TMEM132E: variants seen among roughly 807,000 people sequenced by gnomAD.
The protein encoded by TMEM132E is transmembrane protein 132E.
In TMEM132E, 49 loss-of-function variants were observed where a neutral mutation model predicts 78.5. The ratio of observed to expected loss-of-function variants is 0.62; its 90% CI spans 0.50 to 0.79. The LOEUF is 0.79. TMEM132E is among the 30% of genes least tolerant of loss of function. TMEM132E has a pLI of 0.00. For missense variants in TMEM132E, 1,403 were observed against 1,470.9 expected (o/e 0.95, Z 0.75); for synonymous variants, 715 against 670.6 (o/e 1.07, Z -1.02).
chr17:34,580,996 T>A lies in TMEM132E; in HGVS notation c.-81T>A, dbSNP rs931787331. 1 of 1,247,254 alleles carries A rather than the reference T, an allele frequency of 8.0e-7. No homozygotes were observed. Among genetic ancestry groups the A allele is most frequent in the Non-Finnish European group, 1.1e-6 (1 of 916,236 alleles). 77.3% of individuals were successfully genotyped at this position (1,247,254 alleles called of 1,614,324 possible). A position where few individuals can be genotyped will look rare whatever the true frequency, so the allele number is the denominator to read the frequency against. ...AGCCGGGCGCCACGGCAGCCCTGAGTTGGATGTGACCAAGCCCAGCCTGGG... is the reference window on the plus strand; with the variant it reads ...AGCCGGGCGCCACGGCAGCCCTGAGATGGATGTGACCAAGCCCAGCCTGGG... On this transcript the variant is annotated 5_prime_UTR_variant, in exon 1 of 9. In the 5' UTR this introduces an upstream ATG that the reference lacks. Transcript: ENST00000631683.
In TMEM132E at chr17:34,636,542, T is replaced by C. The variant is rs115892943; in HGVS notation, c.2169+344T>C. Among the ~76,000 whole-genome samples, 850 of 151,882 alleles carry C rather than the reference T, an allele frequency of 5.6e-3. 14 individuals carry two copies. Among genetic ancestry groups the C allele is most frequent in the African/African-American group, 0.018 (763 of 41,402 alleles). On this transcript the variant is annotated intron_variant, in intron 8 of 8. Coordinates refer to ENST00000631683, the MANE Select transcript of TMEM132E (RefSeq NM_001304438.2). ...CACAGGCATAGCCACAGGATGAAAG[T>C]GGAAAGGTGACAGATGAGAGTCCTG...
chr17:34,626,071 G>A, intron 1 of TMEM132E, 56 bp from the exon 2 acceptor site: 1 of 1,412,634 alleles, frequency 7.1e-7, no homozygotes, highest in Non-Finnish European at 9.3e-7. Context: ...GCACCCTGGG[G>A]TCCCAGCGTG....
At chr17:34,599,207 C>T (rs1046549075) in intron 1 of TMEM132E, among the ~76,000 whole-genome samples, 3 of 152,126 alleles carry the variant, frequency 2.0e-5, no homozygotes, top group Non-Finnish European at 4.4e-5. Context: ...GTGGGGGGTT[C>T]CCCACAGCAA....
intron 1 of TMEM132E, among the ~76,000 whole-genome samples, chr17:34,608,522 A>T (rs1402446177): frequency 3.3e-5 from 5 of 152,244 alleles, no homozygotes; most frequent in African/African-American, 1.2e-4. Flanking sequence ...ATTGTTCATT[A>T]TGCAACCCAG....
Position 34,638,165 on chromosome 17 carries a change from G to T in TMEM132E, c.3158G>T (p.Gly1053Val), listed in dbSNP as rs778567864. ...DLGWGCPDVA[G>V]PTRPTAPPDL... ...GGTTGGGGCTGCCCGGATGTGGCGG[G>T]CCCCACGCGGCCCACTGCACCCCCG... Residue 1053 changes from glycine (G) to valine (V), a missense_variant, in exon 9 of 9, where the codon GGC becomes GTC. By Grantham distance (109) the Gly-to-Val change is moderately radical. This residue lies in a region of TMEM132E where 888 missense variants were observed against 952.8 expected (regional missense o/e 0.93). Coordinates refer to ENST00000631683, the MANE Select transcript of TMEM132E (RefSeq NM_001304438.2). 1.9e-5 allele frequency: 30 copies of T among 1,605,686 alleles called. No individual in the cohort carries two copies. The East Asian group carries it at 6.7e-4, about 36-fold the overall frequency.
chr17:34,609,860 T>G (rs576147978), intron 1 of TMEM132E, among the ~76,000 whole-genome samples: 1 of 152,312 alleles, frequency 6.6e-6, no homozygotes, highest in South Asian at 2.1e-4. Context: ...CTCCTTAGCT[T>G]AGCATTCAAA....
chr17:34,637,864 C>T lies in TMEM132E; in HGVS notation c.2857C>T (p.Pro953Ser). The T allele has an allele frequency of 1.9e-6, 3 of 1,609,050 alleles. No individual in the cohort carries two copies. The highest frequency in any genetic ancestry group is 2.5e-6 in the Non-Finnish European group (3 of 1,178,692). ...PLRVQGELSP[P>S]AGNPLETVPA... ...GCGGGTGCAAGGAGAGCTGTCGCCGCCAGCAGGCAACCCGCTGGAAACCGT... is the reference window on the plus strand; with the variant it reads ...GCGGGTGCAAGGAGAGCTGTCGCCGTCAGCAGGCAACCCGCTGGAAACCGT... The change falls in exon 9 of 9, where the codon CCA becomes TCA. Residue 953 changes from proline to serine, a missense_variant. Around this residue, in one of 3 missense-constraint regions of TMEM132E, gnomAD observed 888 missense variants for 952.8 expected, o/e 0.93. Transcript: ENST00000631683.
Position 34,629,174 on chromosome 17 carries a change from G to A in TMEM132E, c.1308G>A (p.Arg436=), listed in dbSNP as rs1052615102. ...TCACTGAGCTGACGGTCATTCAGCG[G>A]GATGTGCAAGCCATCCTGCCCCTGG... is the stretch of plus-strand genomic sequence containing the variant. ...RAVTELTVIQ[R]DVQAILPLAM... Residue 436 remains arginine, a synonymous_variant, in exon 4 of 9, where the codon CGG becomes CGA. Transcript: ENST00000631683. 4 of 1,614,110 alleles carry A rather than the reference G, an allele frequency of 2.5e-6. No individual in the cohort carries two copies. Among genetic ancestry groups the A allele is most frequent in the Non-Finnish European group, 3.4e-6 (4 of 1,180,002 alleles).
At position 34,626,895 on chromosome 17, in the gene TMEM132E, C is replaced by T; in HGVS notation, c.836C>T (p.Pro279Leu). ...ATCGGGAGCATCAGCCTGTTCCGCC[C>T]GCCCCCCAGGAGGACCCTGCAGGAG... ...LRIGSISLFR[P>L]PPRRTLQEHR... Residue 279 changes from proline to leucine, a missense_variant, in exon 2 of 9, where the codon CCG (proline) becomes CTG (leucine). Physicochemically the swap from Pro to Leu is moderately conservative, Grantham distance 98. Around this residue, in one of 3 missense-constraint regions of TMEM132E, gnomAD observed 511 missense variants for 499.0 expected, o/e 1.02. Coordinates refer to ENST00000631683, the MANE Select transcript of TMEM132E (RefSeq NM_001304438.2). 2.5e-6 allele frequency: 4 copies of T among 1,612,746 alleles called. No individual in the cohort carries two copies. Among genetic ancestry groups the T allele is most frequent in the Non-Finnish European group, 3.4e-6 (4 of 1,179,928 alleles).
intron 4 of TMEM132E, among the ~76,000 whole-genome samples, chr17:34,629,778 A>C (rs552750064): frequency 6.6e-6 from 1 of 152,260 alleles, no homozygotes; most frequent in East Asian, 1.9e-4. Flanking sequence ...TCCCGGCAGC[A>C]CAGTGAGGTG....
intron 1 of TMEM132E, among the ~76,000 whole-genome samples, chr17:34,600,426 A>AGTGT (rs3220449): frequency 0.56 from 80,217 of 143,844 alleles, 23,057 homozygotes; most frequent in Non-Finnish European, 0.65. Flanking sequence ...AGCGTATATG[A>AGTGT]GTGTGTGTGT....
At chr17:34,632,589 C>T in intron 5 of TMEM132E, 115 bp from the exon 6 acceptor site, 1 of 1,047,522 alleles carries the variant, frequency 9.5e-7, no homozygotes, top group Admixed American at 1.9e-5. Context: ...GGCCTCCTCC[C>T]CTTCAGCCTC....
intron 1 of TMEM132E, 44 bp downstream of exon 1, chr17:34,581,187 C>A (rs1490998599): frequency 6.8e-7 from 1 of 1,478,406 alleles, no homozygotes; most frequent in South Asian, 1.3e-5. Flanking sequence ...GCGGCAGGCG[C>A]CACTGGAGGG....
chr17:34,613,397 T>G (rs1906677440), intron 1 of TMEM132E, among the ~76,000 whole-genome samples: 1 of 125,980 alleles, frequency 7.9e-6, no homozygotes, highest in Non-Finnish European at 1.6e-5. Context: ...CCCCCGCTGC[T>G]CCTGCTTAGC....
intron 1 of TMEM132E, among the ~76,000 whole-genome samples, chr17:34,619,950 C>T (rs1055308219): frequency 4.6e-5 from 7 of 152,388 alleles, no homozygotes; most frequent in African/African-American, 1.7e-4. Flanking sequence ...CCTGCTGGCA[C>T]ACCTGCTGTG....
At position 34,580,984 on chromosome 17, in the gene TMEM132E, G is replaced by A; in HGVS notation, c.-93G>A. ...TGCATCTGAGACAGCCGGGCGCCAC[G>A]GCAGCCCTGAGTTGGATGTGACCAA... is the stretch of plus-strand genomic sequence containing the variant. On this transcript the variant is annotated 5_prime_UTR_variant, in exon 1 of 9. Transcript: ENST00000631683. 1 of 1,059,598 alleles carries A rather than the reference G, an allele frequency of 9.4e-7. No individual in the cohort carries two copies. Among genetic ancestry groups the A allele is most frequent in the Non-Finnish European group, 1.3e-6 (1 of 760,750 alleles). The allele number at this position is 1,059,598 out of a possible 1,614,324, so 65.6% of individuals were successfully genotyped here. A position where few individuals can be genotyped will look rare whatever the true frequency, so the allele number is the denominator to read the frequency against.
chr17:34,607,769 T>C (rs1906462898), intron 1 of TMEM132E, among the ~76,000 whole-genome samples: 1 of 151,928 alleles, frequency 6.6e-6, no homozygotes, highest in Non-Finnish European at 1.5e-5. Context: ...TTTTTTTAAC[T>C]ATTACCAGTT....
In TMEM132E at chr17:34,581,156, G is replaced by A. The variant is rs767519003; in HGVS notation, c.67+13G>A. ...CTACTCGCCCACGGTAAGTGTCGCG[G>A]CGCGGACTGGGGGTGAGGATGCGGC... On this transcript the variant is annotated intron_variant, in intron 1 of 8. Transcript: ENST00000631683. 8.6e-6 allele frequency: 13 copies of A among 1,506,058 alleles called. No homozygotes were observed. The South Asian group carries it at 1.0e-4, about 12-fold the overall frequency. 93.3% of individuals were successfully genotyped at this position (1,506,058 alleles called of 1,614,324 possible). A position where few individuals can be genotyped will look rare whatever the true frequency, so the allele number is the denominator to read the frequency against.
intron 1 of TMEM132E, among the ~76,000 whole-genome samples, chr17:34,610,577 A>G (rs1396497002): frequency 6.6e-6 from 1 of 152,218 alleles, no homozygotes; most frequent in East Asian, 1.9e-4. Context: ...GAAAAAGGAC[A>G]TGTGACACTG....
Sources: gnomAD v4.1 joint callset for allele counts (sites outside exome capture counted in the v4.1 genomes callset) on GRCh38, gnomAD v4.1.1 for gene constraint, gnomAD v4.1.1 regional missense constraint, MANE v1.5 for transcripts, NCBI Gene and HGNC (gene_info 2026-07-23, HGNC 2026-07-21) for gene names.